RIN2: variants seen among roughly 807,000 people sequenced by gnomAD.
The protein encoded by RIN2 is RAB5 interacting protein 2.
In RIN2, 36 loss-of-function variants were observed where a neutral mutation model predicts 78.0. The ratio of observed to expected loss-of-function variants is 0.46; its 90% CI spans 0.35 to 0.61. The LOEUF is 0.61. Ranked by LOEUF, RIN2 falls within the 20% of genes least tolerant of loss-of-function variation. The pLI is 0.00. For missense variants in RIN2, 1,087 were observed against 1,159.7 expected (o/e 0.94, Z 0.91); for synonymous variants, 466 against 466.8 (o/e 1.00, Z 0.02).
intron 4 of RIN2, among the ~76,000 whole-genome samples, chr20:19,942,170 G>A (rs1471053321): frequency 6.6e-6 from 1 of 151,314 alleles, no homozygotes; most frequent in Non-Finnish European, 1.5e-5. Context: ...AAAATACCAT[G>A]AGAGTGGAGC....
rs1226712740 is a variant in RIN2, at chr20:19,889,570, C to T, written c.-32C>T. 5.8e-6 allele frequency: 9 copies of T among 1,546,896 alleles called. 2 individuals carry two copies. In the South Asian group the frequency reaches 1.1e-4, roughly 19 times the overall value. On this transcript the variant is annotated 5_prime_UTR_variant, in exon 3 of 13. Transcript: ENST00000255006. ...TAAAAATGTCTCTACCTTCAGGAGTCCCCGGCGTGCAGTGGAGCCTCGCTG... is the reference window on the plus strand; with the variant it reads ...TAAAAATGTCTCTACCTTCAGGAGTTCCCGGCGTGCAGTGGAGCCTCGCTG...
chr20:19,788,448 AAC>A (rs1491262242), intron 1 of RIN2, among the ~76,000 whole-genome samples: 1 of 143,830 alleles, frequency 7.0e-6, no homozygotes, highest in Non-Finnish European at 1.5e-5. Flanking sequence ...AAAAAAAAAA[AAC>A]AACTAGCTAG....
chr20:19,838,803 T>C (rs181206775), intron 2 of RIN2, among the ~76,000 whole-genome samples: 13 of 152,158 alleles, frequency 8.5e-5, no homozygotes, highest in Non-Finnish European at 1.6e-4. Flanking sequence ...ATTTCTCTAG[T>C]GTGGGAAGTA....
chr20:19,819,486 C>A (rs1465345915), intron 2 of RIN2, among the ~76,000 whole-genome samples: 1 of 152,198 alleles, frequency 6.6e-6, no homozygotes, highest in Admixed American at 6.5e-5. Flanking sequence ...CAAGAGGGGA[C>A]TTTCCCTTTT....
chr20:19,981,456 A>C (rs6112699), intron 9 of RIN2, among the ~76,000 whole-genome samples: 10,319 of 152,224 alleles, frequency 0.068, 1,141 homozygotes, highest in African/African-American at 0.24. Context: ...GCCCACACTC[A>C]AGGGATGGAG....
intron 9 of RIN2, among the ~76,000 whole-genome samples, chr20:19,987,124 C>T (rs1490764601): frequency 6.6e-6 from 1 of 152,212 alleles, no homozygotes; most frequent in Admixed American, 6.5e-5. Context: ...GTAATGTGAG[C>T]TTTTTCATTG....
intron 2 of RIN2, among the ~76,000 whole-genome samples, chr20:19,871,463 A>G (rs908848029): frequency 1.3e-5 from 2 of 152,162 alleles, no homozygotes; most frequent in African/African-American, 4.8e-5. Flanking sequence ...GAGATGTCCT[A>G]CTAAAATGAG....
At chr20:19,844,669 C>CTTCTTCCTCTTCTTCTTCTT (rs1232176696) in intron 2 of RIN2, among the ~76,000 whole-genome samples, 1 of 76,166 alleles carries the variant, frequency 1.3e-5, no homozygotes, top group African/African-American at 6.2e-5. Context: ...TCTTCTTCTT[C>CTTCTTCCTCTTCTTCTTCTT]CTTCTTCTTC....
rs548799760 is a variant in RIN2 at position 19,764,105 on chromosome 20, T to C, written c.-163+5778T>C. 4.6e-5 allele frequency among the ~76,000 whole-genome samples: 7 copies of C among 152,308 alleles called. No homozygotes were observed. In the South Asian group the frequency reaches 1.5e-3, roughly 32 times the overall value. Reference sequence around the variant, plus strand: ...AAGTAAGTTAATCCAATAAATTGGATAAAGAGACTTTTTGTTTTTTATGTA... The same window carrying C: ...AAGTAAGTTAATCCAATAAATTGGACAAAGAGACTTTTTGTTTTTTATGTA... On this transcript the variant is annotated intron_variant, in intron 1 of 12. Coordinates refer to ENST00000255006, the MANE Select transcript of RIN2 (RefSeq NM_018993.4).
rs534202183 is a variant in RIN2, at chr20:19,890,679, C to CAAAAAAAAAA, written c.57+1036_57+1045dup. Among the ~76,000 whole-genome samples the CAAAAAAAAAA allele has an allele frequency of 1.3e-3, 86 of 64,422 alleles. 4 individuals are homozygous for CAAAAAAAAAA. The highest frequency in any genetic ancestry group is 3.4e-3 in the African/African-American group (59 of 17,444). 42.3% of individuals were successfully genotyped at this position (64,422 alleles called of 152,430 possible). A position where few individuals can be genotyped will look rare whatever the true frequency, so the allele number is the denominator to read the frequency against. On this transcript the variant is annotated intron_variant, in intron 3 of 12. Transcript: ENST00000255006. ...TATATTGTGTCAACTGTTGACTCTACAAAAAAAAAAAAAAAAAAAAAAAAC... is the reference window on the plus strand; with the variant it reads ...TATATTGTGTCAACTGTTGACTCTACAAAAAAAAAAAAAAAAAAAAAAAAAAAAAAAAAAC...
chr20:19,811,115 T>C (rs189248415), intron 2 of RIN2, among the ~76,000 whole-genome samples: 4 of 151,940 alleles, frequency 2.6e-5, no homozygotes, highest in East Asian at 3.9e-4. Flanking sequence ...TGTCGCTTCT[T>C]GGTGGTGGTT....
chr20:19,914,003 G>A (rs138439322), intron 3 of RIN2, among the ~76,000 whole-genome samples: 10 of 152,328 alleles, frequency 6.6e-5, no homozygotes, highest in South Asian at 2.1e-4. Context: ...GCACACGTGC[G>A]TTGTGATGGG....
intron 4 of RIN2, among the ~76,000 whole-genome samples, chr20:19,948,131 G>T (rs1447390319): frequency 2.0e-5 from 3 of 152,196 alleles, no homozygotes; most frequent in African/African-American, 2.4e-5. Context: ...ACCACAGATG[G>T]TTCCAGCTCC....
chr20:19,913,917 T>C (rs2039577491), intron 3 of RIN2, among the ~76,000 whole-genome samples: 2 of 152,350 alleles, frequency 1.3e-5, no homozygotes, highest in Admixed American at 6.5e-5. Flanking sequence ...TTAAGGAAGA[T>C]TATTTTTTTC....
chr20:19,995,712 G>A (rs1221658174), intron 11 of RIN2, among the ~76,000 whole-genome samples: 1 of 152,096 alleles, frequency 6.6e-6, no homozygotes, highest in Non-Finnish European at 1.5e-5. Context: ...GGGAATCAAG[G>A]GAGAGAAATT....
chr20:19,913,341 T>A (rs2039554695), intron 3 of RIN2, among the ~76,000 whole-genome samples: 1 of 152,202 alleles, frequency 6.6e-6, no homozygotes, highest in Non-Finnish European at 1.5e-5. Context: ...AGTGATGGTG[T>A]CTCACTGTGT....
Position 19,996,704 on chromosome 20 carries a change from T to A in RIN2, c.2226T>A (p.Tyr742Ter). The A allele has an allele frequency of 6.2e-7, 1 of 1,614,052 alleles. No homozygotes were observed. Among genetic ancestry groups the A allele is most frequent in the Non-Finnish European group, 8.5e-7 (1 of 1,179,896 alleles). The change falls in exon 12 of 13, where the codon TAT (tyrosine) becomes TAA (stop). Residue 742 changes from tyrosine (Y) to a stop codon, truncating the protein, a stop_gained. Coordinates refer to ENST00000255006, the MANE Select transcript of RIN2 (RefSeq NM_018993.4). LOFTEE classifies it high-confidence loss of function. ...GEGGYYLTSA[Y>*]GALSLIKNFQ... ...GAGGCTATTACTTGACAAGCGCATA[T>A]GGAGCACTTTCTCTGATAAAGAATT...
At chr20:19,811,482 C>T (rs2035597957) in intron 2 of RIN2, among the ~76,000 whole-genome samples, 2 of 152,072 alleles carry the variant, frequency 1.3e-5, no homozygotes, top group Admixed American at 6.6e-5. Context: ...AAGAGACTCA[C>T]GGGTACCTGC....
intron 1 of RIN2, among the ~76,000 whole-genome samples, chr20:19,771,190 C>A (rs1038542041): frequency 2.6e-5 from 4 of 152,098 alleles, no homozygotes; most frequent in Non-Finnish European, 2.9e-5. Context: ...ATCAACTTAA[C>A]CTTCAGCCCC....
Sources: gnomAD v4.1 joint callset for allele counts (sites outside exome capture counted in the v4.1 genomes callset) on GRCh38, gnomAD v4.1.1 for gene constraint, MANE v1.5 for transcripts, NCBI Gene and HGNC (gene_info 2026-07-23, HGNC 2026-07-21) for gene names.